CNTN4: variants seen among roughly 807,000 people sequenced by gnomAD.
CNTN4 encodes contactin-4.
Under a neutral mutation model 122.5 loss-of-function variants are expected in CNTN4, and 77 were observed. The ratio of observed to expected loss-of-function variants is 0.63; its 90% CI spans 0.52 to 0.76. The LOEUF is 0.76. Ranked by LOEUF, CNTN4 falls within the 30% of genes least tolerant of loss-of-function variation. CNTN4 has a pLI of 0.00. For synonymous variants in CNTN4, 512 were observed against 447.0 expected (o/e 1.15, Z -1.83); for missense variants, 1,256 against 1,259.1 (o/e 1.00, Z 0.04).
At chr3:2,559,117 A>G (rs2078841034) in intron 3 of CNTN4, among the ~76,000 whole-genome samples, 1 of 152,198 alleles carries the variant, frequency 6.6e-6, no homozygotes, top group Admixed American at 6.5e-5. Context: ...ATTGATAAGG[A>G]CAATAAATAA....
At chr3:2,535,677 A>C (rs1437040729) in intron 3 of CNTN4, among the ~76,000 whole-genome samples, 1 of 152,096 alleles carries the variant, frequency 6.6e-6, no homozygotes, top group African/African-American at 2.4e-5. Context: ...CTGTTTCTTT[A>C]TGTTAAACCT....
intron 3 of CNTN4, among the ~76,000 whole-genome samples, chr3:2,524,772 C>G: frequency 6.6e-6 from 1 of 151,662 alleles, no homozygotes; most frequent in African/African-American, 2.4e-5. Context: ...TTCTGTTCTG[C>G]AAAAAAAGAG....
chr3:2,325,444 C>T lies in CNTN4; in HGVS notation c.-144-13734C>T, dbSNP rs115254950. On this transcript the variant is annotated intron_variant, in intron 2 of 24. Transcript: ENST00000418658. Reference sequence around the variant, plus strand: ...TAAACCTAATCCATTAATTAAAACTCTTTAGCATTCTCCCTAATTTTAAGA... The same window carrying T: ...TAAACCTAATCCATTAATTAAAACTTTTTAGCATTCTCCCTAATTTTAAGA... Among the ~76,000 whole-genome samples, 1,509 of 152,248 alleles carry T rather than the reference C, an allele frequency of 9.9e-3. 31 individuals carry two copies. The highest frequency in any genetic ancestry group is 0.035 in the African/African-American group (1,443 of 41,528).
chr3:2,166,447 T>C (rs1005915635), intron 2 of CNTN4, among the ~76,000 whole-genome samples: 7 of 152,074 alleles, frequency 4.6e-5, no homozygotes, highest in Non-Finnish European at 8.8e-5. Flanking sequence ...TAGGTCCCAG[T>C]AGTCTGTATT....
Position 2,216,709 on chromosome 3 carries a change from A to G in CNTN4, c.-145+116070A>G, listed in dbSNP as rs11926419. On this transcript the variant is annotated intron_variant, in intron 2 of 24. Coordinates refer to ENST00000418658, the MANE Select transcript of CNTN4 (RefSeq NM_175607.3). ...TTTATAATGGAAAATGTCCCAATAA[A>G]CTATTTTTAAACCTAAAAAAAGGAG... Among the ~76,000 whole-genome samples the G allele has an allele frequency of 6.0e-3, 920 of 152,214 alleles. 4 individuals carry two copies. Among genetic ancestry groups the G allele is most frequent in the African/African-American group, 0.021 (890 of 41,526 alleles).
intron 3 of CNTN4, among the ~76,000 whole-genome samples, chr3:2,524,276 A>G (rs981337245): frequency 7.2e-5 from 11 of 151,950 alleles, no homozygotes; most frequent in Non-Finnish European, 2.9e-5. Context: ...TTGGCATCCT[A>G]TTTTCAAAGT....
intron 2 of CNTN4, among the ~76,000 whole-genome samples, chr3:2,333,127 C>T (rs1158887549): frequency 1.3e-5 from 2 of 152,166 alleles, no homozygotes; most frequent in South Asian, 2.1e-4. Context: ...AAGTTTCTGG[C>T]CTTACAACTG....
chr3:2,782,465 CTGTGTGTGTGTGTGTGTG>C (rs137927481), intron 6 of CNTN4, among the ~76,000 whole-genome samples: 167 of 133,294 alleles, frequency 1.3e-3, no homozygotes, highest in Middle Eastern at 3.9e-3. Context: ...CCTTCTTATT[CTGTGTGTGTGTGTGTGTG>C]TGTGTGTGTG....
At chr3:2,304,104 G>A (rs1171675562) in intron 2 of CNTN4, among the ~76,000 whole-genome samples, 1 of 152,152 alleles carries the variant, frequency 6.6e-6, no homozygotes, top group African/African-American at 2.4e-5. Context: ...CGAAGTAGTA[G>A]TATTAAGGAT....
intron 4 of CNTN4, among the ~76,000 whole-genome samples, chr3:2,624,417 A>C (rs888803683): frequency 2.0e-5 from 3 of 152,084 alleles, no homozygotes; most frequent in Admixed American, 6.6e-5. Context: ...TTTTGCCACA[A>C]GTCAGCATCT....
At chr3:2,917,239 G>A (rs112716573) in intron 12 of CNTN4, among the ~76,000 whole-genome samples, 9,652 of 151,820 alleles carry the variant, frequency 0.064, 393 homozygotes, top group Middle Eastern at 0.14. Flanking sequence ...GCAGTGAGCC[G>A]AGATGGCAGC....
At chr3:2,426,817 A>C (rs1016450946) in intron 3 of CNTN4, among the ~76,000 whole-genome samples, 5 of 151,994 alleles carry the variant, frequency 3.3e-5, no homozygotes, top group Non-Finnish European at 5.9e-5. Flanking sequence ...ATGTGTCCAG[A>C]AATTTATCCA....
At chr3:2,214,130 T>C (rs2038734892) in intron 2 of CNTN4, among the ~76,000 whole-genome samples, 1 of 152,136 alleles carries the variant, frequency 6.6e-6, no homozygotes, top group Admixed American at 6.5e-5. Context: ...TAAATGTATA[T>C]TTGCTCAAGA....
chr3:2,875,559 A>G (rs1207685867), intron 8 of CNTN4, among the ~76,000 whole-genome samples: 2 of 152,182 alleles, frequency 1.3e-5, no homozygotes. Flanking sequence ...CCTTATGGCC[A>G]TGGCTGCTTT....
At chr3:2,343,845 C>T (rs908040780) in intron 3 of CNTN4, among the ~76,000 whole-genome samples, 6 of 152,272 alleles carry the variant, frequency 3.9e-5, no homozygotes, top group Middle Eastern at 6.8e-3. Flanking sequence ...TTACTTGGCT[C>T]ATGGTTCTTC....
intron 4 of CNTN4, among the ~76,000 whole-genome samples, chr3:2,641,727 G>T (rs2082904325): frequency 6.6e-6 from 1 of 152,140 alleles, no homozygotes; most frequent in South Asian, 2.1e-4. Flanking sequence ...TTGGTATCAT[G>T]GAGGTGAATT....
At chr3:2,668,387 T>G (rs2084296520) in intron 4 of CNTN4, among the ~76,000 whole-genome samples, 1 of 152,188 alleles carries the variant, frequency 6.6e-6, no homozygotes, top group African/African-American at 2.4e-5. Context: ...GATTTGGCTC[T>G]CTGTTTGTCT....
rs561976147 is a variant in CNTN4, at chr3:2,372,540, C to G, written c.-89+33307C>G. On this transcript the variant is annotated intron_variant, in intron 3 of 24. Transcript: ENST00000418658. ...TTGAAATTTGACACCAGGTTCCAAT[C>G]CCTAATGTCCTCTGAAAAATGTGAG... is the stretch of plus-strand genomic sequence containing the variant. 2.6e-5 allele frequency among the ~76,000 whole-genome samples: 4 copies of G among 152,280 alleles called. No individual in the cohort carries two copies. The East Asian group carries it at 7.7e-4, about 29-fold the overall frequency.
intron 3 of CNTN4, among the ~76,000 whole-genome samples, chr3:2,502,531 T>A (rs1485185679): frequency 6.6e-6 from 1 of 152,138 alleles, no homozygotes; most frequent in Non-Finnish European, 1.5e-5. Context: ...ATGCCTTCCA[T>A]CCACCATCAG....
Sources: gnomAD v4.1 joint callset for allele counts (sites outside exome capture counted in the v4.1 genomes callset) on GRCh38, gnomAD v4.1.1 for gene constraint, MANE v1.5 for transcripts, NCBI Gene and HGNC (gene_info 2026-07-23, HGNC 2026-07-21) for gene names.